CNTN4: variants seen among roughly 807,000 people sequenced by gnomAD.
The protein encoded by CNTN4 is contactin 4, also known as contactin-4.
Under a neutral mutation model 122.5 loss-of-function variants are expected in CNTN4, and 77 were observed. The ratio of observed to expected loss-of-function variants is 0.63; its 90% CI spans 0.52 to 0.76. CNTN4 has a LOEUF of 0.76. Among genes scored for constraint, CNTN4 ranks in the 30% least tolerant of loss-of-function variants. The pLI, the probability that CNTN4 is intolerant of heterozygous loss-of-function variation, is 0.00. For synonymous variants in CNTN4, 512 were observed against 447.0 expected, an observed-to-expected ratio of 1.15 and a Z score of -1.83; for missense variants, 1,256 against 1,259.1, an observed-to-expected ratio of 1.00 and a Z score of 0.04.
At chr3:2,459,211 G>C in intron 3 of CNTN4, among the ~76,000 whole-genome samples, 1 of 152,070 alleles carries the variant, frequency 6.6e-6, no homozygotes, top group East Asian at 1.9e-4. Context: ...ATCTTCAATG[G>C]GGAATGTTCC....
intron 2 of CNTN4, among the ~76,000 whole-genome samples, chr3:2,176,606 C>A (rs1226904463): frequency 6.6e-6 from 1 of 152,040 alleles, no homozygotes; most frequent in Non-Finnish European, 1.5e-5. Flanking sequence ...AGGATGTTTG[C>A]TAATGATGGT....
intron 2 of CNTN4, among the ~76,000 whole-genome samples, chr3:2,132,169 G>C (rs533423446): frequency 1.3e-5 from 2 of 152,144 alleles, no homozygotes; most frequent in Non-Finnish European, 2.9e-5. Flanking sequence ...AGCTAACCAC[G>C]TGGAGAAAGA....
intron 4 of CNTN4, among the ~76,000 whole-genome samples, chr3:2,610,362 C>A (rs1363362012): frequency 6.6e-6 from 1 of 152,252 alleles, no homozygotes; most frequent in East Asian, 1.9e-4. Context: ...AACACTTTTT[C>A]TAAGTCTTTA....
At chr3:2,780,824 GGTC>G (rs1464868006) in intron 6 of CNTN4, among the ~76,000 whole-genome samples, 3 of 152,110 alleles carry the variant, frequency 2.0e-5, no homozygotes, top group Admixed American at 1.3e-4. Context: ...TGATGCTGTT[GGTC>G]ATAGAGAATT....
chr3:2,301,442 T>TC (rs1439488222), intron 2 of CNTN4, among the ~76,000 whole-genome samples: 1 of 152,204 alleles, frequency 6.6e-6, no homozygotes, highest in East Asian at 1.9e-4. Flanking sequence ...TTACTACTAG[T>TC]TAAAAAAAAT....
chr3:2,533,582 G>A (rs972430729), intron 3 of CNTN4, among the ~76,000 whole-genome samples: 2 of 152,084 alleles, frequency 1.3e-5, no homozygotes, highest in African/African-American at 2.4e-5. Context: ...TGTGAATAGT[G>A]CCACAATAAA....
At chr3:2,258,086 G>C (rs1483319228) in intron 2 of CNTN4, among the ~76,000 whole-genome samples, 2 of 152,154 alleles carry the variant, frequency 1.3e-5, no homozygotes, top group East Asian at 3.9e-4. Context: ...CAATCAATCA[G>C]GAAACAACAG....
chr3:3,032,815 G>A (rs1401017186), intron 16 of CNTN4, among the ~76,000 whole-genome samples: 1 of 152,150 alleles, frequency 6.6e-6, no homozygotes, highest in Non-Finnish European at 1.5e-5. Flanking sequence ...TTATCATTTT[G>A]TTCAGAGGAC....
chr3:3,007,818 GC>G (rs1157954535), intron 14 of CNTN4, among the ~76,000 whole-genome samples: 1 of 152,126 alleles, frequency 6.6e-6, no homozygotes, highest in Non-Finnish European at 1.5e-5. Flanking sequence ...GTGACACTGG[GC>G]TATCATATAA....
chr3:2,505,943 G>A (rs919652539), intron 3 of CNTN4, among the ~76,000 whole-genome samples: 2 of 151,986 alleles, frequency 1.3e-5, no homozygotes, highest in African/African-American at 4.8e-5. Context: ...AGAAAAGCAG[G>A]CATCTTATTC....
chr3:2,260,148 C>T (rs1356682788), intron 2 of CNTN4, among the ~76,000 whole-genome samples: 1 of 152,080 alleles, frequency 6.6e-6, no homozygotes, highest in Admixed American at 6.6e-5. Context: ...CTTTTACTTT[C>T]TACCACATAA....
At chr3:2,420,818 A>C (rs1296469451) in intron 3 of CNTN4, among the ~76,000 whole-genome samples, 1 of 152,130 alleles carries the variant, frequency 6.6e-6, no homozygotes, top group Non-Finnish European at 1.5e-5. Context: ...TTACACTGTA[A>C]TACTTGTTTT....
At chr3:3,039,747 A>G (rs1244079610) in intron 19 of CNTN4, 2 of 400,854 alleles carry the variant, frequency 5.0e-6, no homozygotes, top group Non-Finnish European at 9.3e-6. Flanking sequence ...ACCGATGTCC[A>G]GTGTTTTTTT....
chr3:2,480,303 T>A (rs1440541770), intron 3 of CNTN4, among the ~76,000 whole-genome samples: 1 of 152,070 alleles, frequency 6.6e-6, no homozygotes, highest in African/African-American at 2.4e-5. Context: ...GTATACAGAT[T>A]GGAAAGGAAG....
At chr3:2,346,382 A>G (rs1410853919) in intron 3 of CNTN4, among the ~76,000 whole-genome samples, 5 of 152,006 alleles carry the variant, frequency 3.3e-5, no homozygotes, top group Admixed American at 3.3e-4. Context: ...CCTCTTAGTA[A>G]TTATTATTAT....
rs9835196 is a variant in CNTN4, at chr3:3,016,875, C to T, written c.1487-9227C>T. On this transcript the variant is annotated intron_variant, in intron 14 of 24. Coordinates refer to ENST00000418658, the MANE Select transcript of CNTN4 (RefSeq NM_175607.3). ...GATCAGTAAGCATTCCACTCAGGGG[C>T]GATTTGTAAATTGCTTTACACAAGG... is the stretch of plus-strand genomic sequence containing the variant. 6.7e-3 allele frequency among the ~76,000 whole-genome samples: 1,025 copies of T among 152,266 alleles called. 11 individuals are homozygous for T. The highest frequency in any genetic ancestry group is 0.023 in the African/African-American group (974 of 41,556).
chr3:2,145,440 G>T (rs903676222), intron 2 of CNTN4, among the ~76,000 whole-genome samples: 1 of 152,164 alleles, frequency 6.6e-6, no homozygotes, highest in Non-Finnish European at 1.5e-5. Flanking sequence ...GAGATTCAAG[G>T]CTTTGCTAGT....
rs547328406 is a variant in CNTN4 at position 2,627,736 on chromosome 3, G to A, written c.55+56178G>A. Among the ~76,000 whole-genome samples, 1,465 of 152,062 alleles carry A rather than the reference G, an allele frequency of 9.6e-3. 12 individuals carry two copies. Among genetic ancestry groups the A allele is most frequent in the Middle Eastern group, 0.044 (13 of 294 alleles). ...TCTCGATCTCCTGACCTTGTGATCT[G>A]CCCGCCTCGGCCTCCCAAAGTGCTG... On this transcript the variant is annotated intron_variant, in intron 4 of 24. Coordinates refer to ENST00000418658, the MANE Select transcript of CNTN4 (RefSeq NM_175607.3).
chr3:2,245,515 A>G (rs2040110981), intron 2 of CNTN4, among the ~76,000 whole-genome samples: 1 of 152,000 alleles, frequency 6.6e-6, no homozygotes, highest in African/African-American at 2.4e-5. Context: ...GCTATACTTA[A>G]TTTTCCAATA....
Sources: gnomAD v4.1 joint callset for allele counts (sites outside exome capture counted in the v4.1 genomes callset) on GRCh38, gnomAD v4.1.1 for gene constraint, MANE v1.5 for transcripts, NCBI Gene and HGNC (gene_info 2026-07-23, HGNC 2026-07-21) for gene names.